Variants in RHBDD1 observed in about 807,000 individuals in gnomAD.
The protein encoded by RHBDD1 is rhomboid domain containing 1.
A neutral mutation model predicts 36.3 loss-of-function variants in RHBDD1; 38 were observed. That is an observed-to-expected ratio of 1.05 (90% confidence interval 0.81 to 1.37). The LOEUF (loss-of-function observed/expected upper bound fraction) is 1.37, where lower values mean the gene tolerates loss of function less well. RHBDD1 is among the 40% of genes most tolerant of loss of function. The pLI is 0.00. For missense variants in RHBDD1, 393 were observed against 377.6 expected, an observed-to-expected ratio of 1.04 and a Z score of -0.34; for synonymous variants, 151 against 136.5, an observed-to-expected ratio of 1.11 and a Z score of -0.74.
intron 3 of RHBDD1, among the ~76,000 whole-genome samples, chr2:226,853,869 A>G (rs1311824663): frequency 1.3e-5 from 2 of 152,180 alleles, no homozygotes; most frequent in Admixed American, 6.5e-5. Context: ...ATGGATGTAC[A>G]TCTCACGTGG....
At chr2:226,818,952 T>C in the RHBDD1 span, among the ~76,000 whole-genome samples, 42 of 152,136 alleles carry the variant, frequency 2.8e-4, no homozygotes, top group Non-Finnish European at 5.0e-4. Context: ...GCTGCCCCTT[T>C]CAATGTGTAG....
chr2:226,973,419 G>T (rs1395549104), intron 8 of RHBDD1, among the ~76,000 whole-genome samples: 3 of 152,350 alleles, frequency 2.0e-5, no homozygotes, highest in Middle Eastern at 3.4e-3. Context: ...TGGGAAGTGA[G>T]TGTTTGCCTG....
chr2:226,969,355 G>A (rs1952998973), intron 8 of RHBDD1, among the ~76,000 whole-genome samples: 1 of 144,548 alleles, frequency 6.9e-6, no homozygotes, highest in Non-Finnish European at 1.5e-5. Flanking sequence ...CTGTCACAAA[G>A]CAGCAATAGC....
At chr2:226,804,217 G>A in the RHBDD1 span, 3 of 152,128 alleles carry the variant, frequency 2.0e-5, no homozygotes, top group African/African-American at 7.2e-5. Flanking sequence ...GTTTTCCAAG[G>A]TGTGATTGAA....
chr2:226,858,465 T>C (rs1464114936), intron 3 of RHBDD1, among the ~76,000 whole-genome samples: 1 of 152,164 alleles, frequency 6.6e-6, no homozygotes, highest in African/African-American at 2.4e-5. Context: ...GAAATTAATT[T>C]GGTTGGTAGC....
chr2:226,928,978 C>T (rs1457490529), intron 8 of RHBDD1, among the ~76,000 whole-genome samples: 1 of 151,930 alleles, frequency 6.6e-6, no homozygotes, highest in Non-Finnish European at 1.5e-5. Context: ...CTGAACAGAC[C>T]AATAACAACC....
chr2:226,925,097 A>G (rs909657631), intron 8 of RHBDD1, among the ~76,000 whole-genome samples: 1 of 152,204 alleles, frequency 6.6e-6, no homozygotes, highest in Non-Finnish European at 1.5e-5. Context: ...CCATCTCACC[A>G]CATTTAATGT....
At chr2:226,993,064 C>T (rs1004284046) in intron 8 of RHBDD1, among the ~76,000 whole-genome samples, 5 of 152,224 alleles carry the variant, frequency 3.3e-5, no homozygotes, top group Non-Finnish European at 7.3e-5. Context: ...TGGTTCTCCT[C>T]GAATGCCCTG....
upstream of RHBDD1, among the ~76,000 whole-genome samples, chr2:226,834,359 G>A (rs949897449): frequency 2.6e-5 from 4 of 152,120 alleles, no homozygotes; most frequent in East Asian, 1.9e-4. Flanking sequence ...ACTTTTCCCC[G>A]CATTCATTTG....
intron 8 of RHBDD1, among the ~76,000 whole-genome samples, chr2:226,957,690 C>A (rs1196831921): frequency 2.0e-5 from 3 of 152,122 alleles, no homozygotes; most frequent in Non-Finnish European, 4.4e-5. Flanking sequence ...GGAACTCTTA[C>A]AATTCAATAA....
intron 3 of RHBDD1, among the ~76,000 whole-genome samples, chr2:226,854,852 T>A (rs1463022925): frequency 6.6e-6 from 1 of 152,126 alleles, no homozygotes; most frequent in South Asian, 2.1e-4. Flanking sequence ...CATAGTGAAA[T>A]TGGATTTTAA....
chr2:226,974,932 G>A (rs1380267926), intron 8 of RHBDD1, among the ~76,000 whole-genome samples: 3 of 152,208 alleles, frequency 2.0e-5, no homozygotes, highest in Non-Finnish European at 4.4e-5. Flanking sequence ...ATCTCTTCCA[G>A]GCTGTGCTCC....
upstream of RHBDD1, among the ~76,000 whole-genome samples, chr2:226,833,338 T>C (rs888272548): frequency 1.3e-5 from 2 of 152,242 alleles, no homozygotes; most frequent in Non-Finnish European, 2.9e-5. Context: ...TGTGTATTTG[T>C]TGCACGCTGT....
At chr2:226,873,848 A>G (rs1487001374) in intron 5 of RHBDD1, among the ~76,000 whole-genome samples, 2 of 152,130 alleles carry the variant, frequency 1.3e-5, no homozygotes, top group Non-Finnish European at 1.5e-5. Flanking sequence ...TGTGAGTTTA[A>G]GGTGTGGGTG....
At chr2:226,869,000 A>T (rs1035534013) in intron 5 of RHBDD1, 1 of 183,200 alleles carries the variant, frequency 5.5e-6, no homozygotes, top group African/African-American at 2.4e-5. Flanking sequence ...CTTGTATGTG[A>T]CTGGCAACAC....
rs369004735 is a variant in RHBDD1 at position 226,971,245 on chromosome 2, G to C, written c.857-24186G>C. ...CACACCTGTGGCAGAACCGAGGCAGGTGCTTACTAAATGCTTGTTGGTGAA... is the reference window on the plus strand; with the variant it reads ...CACACCTGTGGCAGAACCGAGGCAGCTGCTTACTAAATGCTTGTTGGTGAA... On this transcript the variant is annotated intron_variant, in intron 8 of 8. Coordinates refer to ENST00000392062, the MANE Select transcript of RHBDD1 (RefSeq NM_001167608.3). Among the ~76,000 whole-genome samples, 17 of 152,312 alleles carry C rather than the reference G, an allele frequency of 1.1e-4. No individual in the cohort carries two copies. The East Asian group carries it at 2.9e-3, about 26-fold the overall frequency.
intron 8 of RHBDD1, among the ~76,000 whole-genome samples, chr2:226,929,344 A>G (rs1042162735): frequency 1.1e-4 from 16 of 152,154 alleles, no homozygotes; most frequent in African/African-American, 3.9e-4. Flanking sequence ...GAATGGTTCA[A>G]CATTCACAAG....
chr2:226,813,797 G>A, the RHBDD1 span, among the ~76,000 whole-genome samples: 18 of 152,228 alleles, frequency 1.2e-4, no homozygotes, highest in African/African-American at 4.1e-4. Flanking sequence ...TATTTTAAAT[G>A]GGATTAGTCA....
intron 5 of RHBDD1, among the ~76,000 whole-genome samples, chr2:226,898,439 T>TAATA (rs942514297): frequency 6.6e-6 from 1 of 152,188 alleles, no homozygotes; most frequent in Non-Finnish European, 1.5e-5. Context: ...GTGCCATGTT[T>TAATA]AATAAATCAT....
Sources: allele counts gnomAD v4.1 joint callset (sites outside exome capture counted in the v4.1 genomes callset), GRCh38; gene constraint gnomAD v4.1.1; transcripts MANE v1.5; gene names NCBI Gene and HGNC (gene_info 2026-07-23, HGNC 2026-07-21).